RASSF3: variants seen among roughly 807,000 people sequenced by gnomAD.
The protein encoded by RASSF3 is ras association domain-containing protein 3.
A neutral mutation model predicts 19.9 loss-of-function variants in RASSF3; 19 were observed. That is an observed-to-expected ratio of 0.96 (90% CI 0.67 to 1.40). The LOEUF (loss-of-function observed/expected upper bound fraction) is 1.40, where lower values mean the gene tolerates loss of function less well. RASSF3 is among the 40% of genes most tolerant of loss of function. The pLI, the probability that RASSF3 is intolerant of heterozygous loss-of-function variation, is 0.00. For missense variants in RASSF3, 306 were observed against 289.8 expected, an observed-to-expected ratio of 1.06 and a Z score of -0.41; for synonymous variants, 110 against 104.2, an observed-to-expected ratio of 1.06 and a Z score of -0.34.
chr12:64,606,320 G>A (rs758072271), upstream of RASSF3, among the ~76,000 whole-genome samples: 1 of 152,150 alleles, frequency 6.6e-6, no homozygotes, highest in Non-Finnish European at 1.5e-5. Context: ...TTGAATTAAA[G>A]TCCTTGTTTA....
intron 1 of RASSF3, among the ~76,000 whole-genome samples, chr12:64,643,493 T>C (rs2136184983): frequency 6.6e-6 from 1 of 152,050 alleles, no homozygotes; most frequent in Non-Finnish European, 1.5e-5. Flanking sequence ...GGGATGATTG[T>C]TCTTGTGAAT....
intron 2 of RASSF3, among the ~76,000 whole-genome samples, chr12:64,578,265 C>T (rs985169118): frequency 3.3e-5 from 5 of 152,062 alleles, no homozygotes; most frequent in Admixed American, 6.6e-5. Context: ...TGAGGGTTTA[C>T]AATGTGACAG....
intron 1 of RASSF3, among the ~76,000 whole-genome samples, chr12:64,660,963 G>T (rs1166481662): frequency 1.3e-5 from 2 of 152,130 alleles, no homozygotes; most frequent in South Asian, 2.1e-4. Context: ...TGAGCTCAGT[G>T]GTTCATGTTA....
At chr12:64,608,694 GTAATT>G (rs1870237527), upstream of RASSF3, among the ~76,000 whole-genome samples, 2 of 152,166 alleles carry the variant, frequency 1.3e-5, no homozygotes, top group African/African-American at 4.8e-5. Context: ...AATAAAATGA[GTAATT>G]TAAGCCCTTA....
At chr12:64,612,363 A>G (rs1870399253) in intron 1 of RASSF3, among the ~76,000 whole-genome samples, 1 of 152,142 alleles carries the variant, frequency 6.6e-6, no homozygotes, top group Non-Finnish European at 1.5e-5. Flanking sequence ...TGGATTCTCC[A>G]GGGGTGAGAT....
At chr12:64,531,330 AC>A (rs1868704183), upstream of RASSF3, among the ~76,000 whole-genome samples, 1 of 152,210 alleles carries the variant, frequency 6.6e-6, no homozygotes, top group South Asian at 2.1e-4. Flanking sequence ...CCACTGAAGT[AC>A]CTTTTTACCT....
chr12:64,583,652 T>A (rs1195595503), intron 2 of RASSF3, among the ~76,000 whole-genome samples: 3 of 152,086 alleles, frequency 2.0e-5, no homozygotes, highest in African/African-American at 7.2e-5. Context: ...CACCAGCGTT[T>A]CAGTCATCCA....
downstream of RASSF3, among the ~76,000 whole-genome samples, chr12:64,542,028 A>T (rs1239663448): frequency 1.3e-5 from 2 of 152,142 alleles, no homozygotes; most frequent in Non-Finnish European, 2.9e-5. Context: ...CCTGCTGCGG[A>T]AAATAGGACA....
At chr12:64,649,899 A>G (rs1871878284) in intron 1 of RASSF3, among the ~76,000 whole-genome samples, 1 of 152,200 alleles carries the variant, frequency 6.6e-6, no homozygotes, top group Admixed American at 6.5e-5. Flanking sequence ...TTATAAAGAC[A>G]CTTTTTACTG....
intron 2 of RASSF3, among the ~76,000 whole-genome samples, chr12:64,578,155 G>A (rs1174694264): frequency 2.6e-5 from 4 of 151,592 alleles, no homozygotes; most frequent in African/African-American, 4.8e-5. Flanking sequence ...CCTGGGAGGC[G>A]AAGGTTGCAG....
Position 64,534,845 on chromosome 12 carries a change from G to A in RASSF3, c.67+1511G>A, listed in dbSNP as rs556477103. On this transcript the variant is annotated intron_variant, in intron 1 of 1. Coordinates refer to the RASSF3 transcript ENST00000636333. ...GAAAATGTTGCCAGGCTGTGTGTTTGCCACGTGACCATCTTACTACCATTA... is the reference window on the plus strand; with the variant it reads ...GAAAATGTTGCCAGGCTGTGTGTTTACCACGTGACCATCTTACTACCATTA... Among the ~76,000 whole-genome samples, 214 of 152,268 alleles carry A rather than the reference G, an allele frequency of 1.4e-3. 1 individual carries two copies. Among genetic ancestry groups the A allele is most frequent in the African/African-American group, 4.7e-3 (195 of 41,548 alleles).
chr12:64,539,069 T>C (rs1219755758), intron 1 of RASSF3, among the ~76,000 whole-genome samples: 2 of 152,096 alleles, frequency 1.3e-5, no homozygotes, highest in African/African-American at 2.4e-5. Flanking sequence ...ATTGGAATTG[T>C]CTTAGTATGT....
At chr12:64,560,847 C>T (rs947229196) in intron 2 of RASSF3, among the ~76,000 whole-genome samples, 19 of 152,152 alleles carry the variant, frequency 1.2e-4, no homozygotes, top group Non-Finnish European at 2.9e-5. Context: ...GGTCTGACCT[C>T]TGTGAGAGAC....
At chr12:64,688,935 G>C (rs1013758622) in intron 3 of RASSF3, among the ~76,000 whole-genome samples, 7 of 152,164 alleles carry the variant, frequency 4.6e-5, no homozygotes, top group Admixed American at 6.5e-5. Context: ...GATGGAAACG[G>C]CCCAGCCCTG....
intron 2 of RASSF3, among the ~76,000 whole-genome samples, chr12:64,586,448 C>A (rs1240722909): frequency 7.5e-6 from 1 of 132,546 alleles, no homozygotes; most frequent in Non-Finnish European, 1.5e-5. Flanking sequence ...TGAGATTGTG[C>A]CACTGCACTC....
chr12:64,507,483 G>A, intron 1 of RASSF3: 2 of 393,590 alleles, frequency 5.1e-6, no homozygotes, highest in Non-Finnish European at 9.0e-6. Context: ...CATCTGGAGG[G>A]AAAATTGAGA....
In RASSF3 at chr12:64,593,906, G is replaced by A. The variant is rs192080377; in HGVS notation, c.294+52201G>A. On this transcript the variant is annotated intron_variant, in intron 2 of 5. Transcript: ENST00000637125. Reference sequence around the variant, plus strand: ...AGGTGCCTGTAATCCCAGCTACTCAGGAGGCTGAGGCAGGAGAATCACTTG... The same window carrying A: ...AGGTGCCTGTAATCCCAGCTACTCAAGAGGCTGAGGCAGGAGAATCACTTG... Among the ~76,000 whole-genome samples the A allele has an allele frequency of 7.6e-3, 1,146 of 150,884 alleles. 10 individuals carry two copies. Among genetic ancestry groups the A allele is most frequent in the Non-Finnish European group, 0.013 (851 of 67,894 alleles).
At chr12:64,510,138 G>A (rs958461590) in intron 1 of RASSF3, among the ~76,000 whole-genome samples, 4 of 151,770 alleles carry the variant, frequency 2.6e-5, no homozygotes, top group African/African-American at 7.3e-5. Flanking sequence ...TATCATAATG[G>A]GATTATTTAA....
At chr12:64,618,061 A>G (rs1055132215) in intron 1 of RASSF3, among the ~76,000 whole-genome samples, 1 of 152,130 alleles carries the variant, frequency 6.6e-6, no homozygotes, top group Non-Finnish European at 1.5e-5. Flanking sequence ...ACCAAAATTA[A>G]CCAAATCAAA....
Sources: gnomAD v4.1 joint callset for allele counts (sites outside exome capture counted in the v4.1 genomes callset) on GRCh38, gnomAD v4.1.1 for gene constraint, MANE v1.5 for transcripts, NCBI Gene and HGNC (gene_info 2026-07-23, HGNC 2026-07-21) for gene names.